SFT2D2: variants seen among roughly 807,000 people sequenced by gnomAD.
The protein encoded by SFT2D2 is vesicle transport protein SFT2B.
Under a neutral mutation model 27.4 loss-of-function variants are expected in SFT2D2, and 21 were observed. The observed-to-expected ratio is 0.77, with a 90% CI of 0.54 to 1.10. The LOEUF (loss-of-function observed/expected upper bound fraction) is 1.10. Ranked by LOEUF, SFT2D2 falls within the 50% of genes least tolerant of loss-of-function variation. SFT2D2 has a pLI of 0.00. For synonymous variants in SFT2D2, 72 were observed against 71.7 expected, an observed-to-expected ratio of 1.00 and a Z score of -0.02; for missense variants, 187 against 194.2, an observed-to-expected ratio of 0.96 and a Z score of 0.22.
At chr1:168,238,659 A>G (rs1033966163) in intron 6 of SFT2D2, among the ~76,000 whole-genome samples, 1 of 152,008 alleles carries the variant, frequency 6.6e-6, no homozygotes, top group African/African-American at 2.4e-5. Context: ...TTGAGCCACT[A>G]TATTCCAGCA....
chr1:168,242,648 T>G lies in SFT2D2; in HGVS notation c.*108T>G, dbSNP rs1262109579. ...GTCTTACAGACATGTGCCTTTTATC[T>G]TGCAGCAATGTGTTGCTTGTGATTC... On this transcript the variant is annotated 3_prime_UTR_variant, in exon 8 of 8. Transcript: ENST00000271375. 7 of 1,321,602 alleles carry G rather than the reference T, an allele frequency of 5.3e-6. No individual in the cohort carries two copies. The highest frequency in any genetic ancestry group is 7.6e-6 in the Non-Finnish European group (7 of 915,402). The allele number at this position is 1,321,602 out of a possible 1,614,324, so 81.9% of individuals were successfully genotyped here.
intron 4 of SFT2D2, among the ~76,000 whole-genome samples, chr1:168,236,211 A>G (rs972692170): frequency 6.6e-6 from 1 of 152,236 alleles, no homozygotes; most frequent in Admixed American, 6.5e-5. Flanking sequence ...TTGTCCTCAC[A>G]TGTGCTTTCT....
intron 1 of SFT2D2, among the ~76,000 whole-genome samples, chr1:168,228,877 C>T (rs1700486365): frequency 6.6e-6 from 1 of 152,164 alleles, no homozygotes; most frequent in African/African-American, 2.4e-5. Context: ...GCACAGCTTC[C>T]AGCAGTCATG....
chr1:168,243,836 C>G lies in SFT2D2; in HGVS notation c.*1296C>G, dbSNP rs1647719383. On this transcript the variant is annotated 3_prime_UTR_variant, in exon 8 of 8. Transcript: ENST00000271375. ...GTTTTCATCAGCCAAGCCATCTCCT[C>G]CCTGGCCCTCCCTGCCCATCTCTTT... 1 of 153,024 alleles carries G rather than the reference C, an allele frequency of 6.5e-6. No individual in the cohort carries two copies. The highest frequency in any genetic ancestry group is 1.5e-5 in the Non-Finnish European group (1 of 68,634). The allele number at this position is 153,024 out of a possible 1,614,324, so 9.5% of individuals were successfully genotyped here.
intron 4 of SFT2D2, among the ~76,000 whole-genome samples, chr1:168,235,782 A>G (rs1276842798): frequency 6.6e-6 from 1 of 152,238 alleles, no homozygotes; most frequent in Non-Finnish European, 1.5e-5. Flanking sequence ...GTGGTTGTCA[A>G]AATCATTCCA....
chr1:168,226,245 G>C, intron 1 of SFT2D2, 103 bp downstream of exon 1: 8 of 1,021,846 alleles, frequency 7.8e-6, no homozygotes, highest in Non-Finnish European at 1.1e-5. Flanking sequence ...GTTTCTGGAC[G>C]GTAGCTCTGC....
rs759074005 is a variant in SFT2D2, at chr1:168,246,831, C to G, written c.*4291C>G. ...GGCTATCGTTTTTGTTGATTTTTCC[C>G]CATTCTGTTTTAGAGCCTTTTGAAG... On this transcript the variant is annotated 3_prime_UTR_variant, in exon 8 of 8. Coordinates refer to ENST00000271375, the MANE Select transcript of SFT2D2 (RefSeq NM_199344.3). 3.0e-6 allele frequency: 2 copies of G among 671,350 alleles called. No homozygotes were observed. Among genetic ancestry groups the G allele is most frequent in the Non-Finnish European group, 5.2e-6 (2 of 387,578 alleles). The allele number at this position is 671,350 out of a possible 1,614,324, so 41.6% of individuals were successfully genotyped here.
rs575024199 is a variant in SFT2D2, at chr1:168,252,172, G to C, written c.*9632G>C. The C allele has an allele frequency of 2.0e-5, 3 of 152,260 alleles. No homozygotes were observed. Among genetic ancestry groups the C allele is most frequent in the African/African-American group, 7.2e-5 (3 of 41,540 alleles). 9.4% of individuals were successfully genotyped at this position (152,260 alleles called of 1,614,324 possible). A position where few individuals can be genotyped will look rare whatever the true frequency, so the allele number is the denominator to read the frequency against. On this transcript the variant is annotated 3_prime_UTR_variant, in exon 8 of 8. Coordinates refer to ENST00000271375, the MANE Select transcript of SFT2D2 (RefSeq NM_199344.3). ...CTTTTCTAGCAGGAGCAGATAAACT[G>C]ATAATGGTCTTAGAAATGTAGAAAA...
In SFT2D2 at chr1:168,247,092, C is replaced by T; in HGVS notation, c.*4552C>T. The T allele has an allele frequency of 2.6e-6, 1 of 381,906 alleles. No homozygotes were observed. 23.7% of individuals were successfully genotyped at this position (381,906 alleles called of 1,614,324 possible). ...ATATTTCTTTTTTTTCAGATAGTCT[C>T]TTTTGTAGTACACTAGTCTTTTTCA... On this transcript the variant is annotated 3_prime_UTR_variant, in exon 8 of 8. Transcript: ENST00000271375.
At chr1:168,226,221 G>A (rs1220396296) in intron 1 of SFT2D2, 79 bp downstream of exon 1, 5 of 1,333,694 alleles carry the variant, frequency 3.7e-6, no homozygotes, top group Non-Finnish European at 4.0e-6. Context: ...GGAAGCCTGC[G>A]GGGACTCCCT....
At chr1:168,238,812 A>T (rs1314148074) in intron 6 of SFT2D2, among the ~76,000 whole-genome samples, 2 of 152,104 alleles carry the variant, frequency 1.3e-5, no homozygotes, top group African/African-American at 4.8e-5. Flanking sequence ...TTGAAATCTG[A>T]CTGTTTAAGG....
chr1:168,239,000 C>T (rs1423397992), intron 6 of SFT2D2, 131 bp from the exon 7 acceptor site: 3 of 724,162 alleles, frequency 4.1e-6, no homozygotes, highest in Admixed American at 4.2e-5. Flanking sequence ...CATGCTCATC[C>T]CCCAGGCTGA....
At position 168,243,007 on chromosome 1, in the gene SFT2D2, G is replaced by A; in HGVS notation, c.*467G>A. The A allele has an allele frequency of 5.8e-6, 1 of 171,570 alleles. No homozygotes were observed. Among genetic ancestry groups the A allele is most frequent in the Non-Finnish European group, 1.3e-5 (1 of 78,688 alleles). The allele number at this position is 171,570 out of a possible 1,614,324, so 10.6% of individuals were successfully genotyped here. A position where few individuals can be genotyped will look rare whatever the true frequency, so the allele number is the denominator to read the frequency against. On this transcript the variant is annotated 3_prime_UTR_variant, in exon 8 of 8. Coordinates refer to ENST00000271375, the MANE Select transcript of SFT2D2 (RefSeq NM_199344.3). Reference sequence around the variant, plus strand: ...CATAGAGTGAGTCTGCTTCTACTCTGGCATCTGAGAACAAGTGACTCTGCT... The same window carrying A: ...CATAGAGTGAGTCTGCTTCTACTCTAGCATCTGAGAACAAGTGACTCTGCT...
At chr1:168,230,723 C>T (rs549807366) in intron 1 of SFT2D2, among the ~76,000 whole-genome samples, 4 of 152,294 alleles carry the variant, frequency 2.6e-5, no homozygotes, top group South Asian at 2.1e-4. Flanking sequence ...GATGCGCCCA[C>T]CTTGGTCTCC....
At chr1:168,233,512 A>G (rs1461823907) in intron 3 of SFT2D2, among the ~76,000 whole-genome samples, 1 of 152,216 alleles carries the variant, frequency 6.6e-6, no homozygotes, top group Non-Finnish European at 1.5e-5. Context: ...GGGGATGTTA[A>G]TTAAATGATT....
At chr1:168,236,005 G>C (rs919330254) in intron 4 of SFT2D2, among the ~76,000 whole-genome samples, 10 of 152,202 alleles carry the variant, frequency 6.6e-5, no homozygotes, top group Admixed American at 5.9e-4. Context: ...AGTAGTTATT[G>C]TTATAGAAGG....
chr1:168,228,980 GCTTCCTCCTTCC>G (rs1201030716), intron 1 of SFT2D2, among the ~76,000 whole-genome samples: 1 of 152,234 alleles, frequency 6.6e-6, no homozygotes. Context: ...TGGAACAACA[GCTTCCTCCTTCC>G]CTGACCAAGT....
chr1:168,234,098 T>C (rs914669001), intron 3 of SFT2D2, among the ~76,000 whole-genome samples: 2 of 152,154 alleles, frequency 1.3e-5, no homozygotes, highest in African/African-American at 4.8e-5. Context: ...AGTTCATTCA[T>C]ACAGAAAGCA....
intron 1 of SFT2D2, among the ~76,000 whole-genome samples, chr1:168,230,941 G>A (rs1411375234): frequency 6.6e-6 from 1 of 152,192 alleles, no homozygotes; most frequent in Non-Finnish European, 1.5e-5. Context: ...AATTAACCAG[G>A]ATCTGTCTCC....
Sources: allele counts gnomAD v4.1 joint callset (sites outside exome capture counted in the v4.1 genomes callset), GRCh38; gene constraint gnomAD v4.1.1; transcripts MANE v1.5; gene names NCBI Gene and HGNC (gene_info 2026-07-23, HGNC 2026-07-21).